EVC2: variants seen among roughly 807,000 people sequenced by gnomAD.
The protein encoded by EVC2 is limbin.
EVC2 carries 148 observed loss-of-function variants against 149.3 expected under a neutral mutation model. That is an observed-to-expected ratio of 0.99 (90% CI 0.87 to 1.14). The LOEUF is 1.14. EVC2 is among the 50% of genes most tolerant of loss of function. The pLI is 0.00. For synonymous variants in EVC2, 776 were observed against 649.9 expected (o/e 1.19, Z -2.95); for missense variants, 1,854 against 1,627.3 (o/e 1.14, Z -2.40).
chr4:5,543,081 T>G (rs900873885), exon 22 of EVC2: 7 of 1,222,544 alleles, frequency 5.7e-6, no homozygotes, highest in Non-Finnish European at 7.5e-6. Context: ...ATTGCACTGC[T>G]CAGTCCGAGG....
intron 16 of EVC2, among the ~76,000 whole-genome samples, chr4:5,609,610 C>G (rs568629292): frequency 3.6e-4 from 55 of 152,262 alleles, no homozygotes; most frequent in Middle Eastern, 3.4e-3. Flanking sequence ...ACAGCCCACT[C>G]CAAAGTTAAA....
At chr4:5,565,224 C>A (rs779794518) in intron 21 of EVC2, 34 bp downstream of exon 21, 1 of 1,607,060 alleles carries the variant, frequency 6.2e-7, no homozygotes, top group Non-Finnish European at 8.5e-7. Flanking sequence ...AGCTCACCCC[C>A]TCCCCAGCCA....
intron 21 of EVC2, among the ~76,000 whole-genome samples, chr4:5,547,887 A>T (rs531780873): frequency 2.4e-4 from 37 of 152,324 alleles, no homozygotes; most frequent in African/African-American, 8.2e-4. Flanking sequence ...CCCTGAGCCA[A>T]GGCTGTGACT....
At chr4:5,580,528 T>C (rs1711664180) in intron 17 of EVC2, among the ~76,000 whole-genome samples, 1 of 152,076 alleles carries the variant, frequency 6.6e-6, no homozygotes, top group Non-Finnish European at 1.5e-5. Flanking sequence ...GTACTGAGGG[T>C]GTTTCTTGGG....
At position 5,611,990 on chromosome 4, in the gene EVC2, T is replaced by A. The variant is rs189664721; in HGVS notation, c.2829+3432A>T. ...ACCCCTTCCCTCTGCACTGTTGATC[T>A]TCCTTACAGATTAACTTCCCTCTTC... On this transcript the variant is annotated intron_variant, in intron 16 of 21. Transcript: ENST00000344408. 2.6e-5 allele frequency among the ~76,000 whole-genome samples: 4 copies of A among 152,326 alleles called. No individual in the cohort carries two copies. The East Asian group carries it at 7.7e-4, about 29-fold the overall frequency.
At chr4:5,632,120 T>C (rs1716588056) in intron 10 of EVC2, 88 bp from the exon 11 acceptor site, 16 of 1,548,638 alleles carry the variant, frequency 1.0e-5, no homozygotes, top group Middle Eastern at 2.3e-4. Flanking sequence ...CAGGCACATG[T>C]GCACACACAA....
intron 7 of EVC2, among the ~76,000 whole-genome samples, chr4:5,668,988 G>A (rs1201136114): frequency 6.6e-6 from 1 of 152,234 alleles, no homozygotes; most frequent in Non-Finnish European, 1.5e-5. Flanking sequence ...TGAGGAGAGG[G>A]AGATTTGTAG....
At chr4:5,703,931 G>T (rs1268263084) in intron 1 of EVC2, among the ~76,000 whole-genome samples, 1 of 152,088 alleles carries the variant, frequency 6.6e-6, no homozygotes, top group Non-Finnish European at 1.5e-5. Flanking sequence ...AGGGTATCAG[G>T]GGGAGGAGCA....
intron 1 of EVC2, among the ~76,000 whole-genome samples, chr4:5,698,664 A>G (rs1233972762): frequency 6.6e-6 from 1 of 152,240 alleles, no homozygotes; most frequent in Non-Finnish European, 1.5e-5. Context: ...AGTGAACTGT[A>G]CAAGTAGTCC....
At chr4:5,669,222 G>C (rs533751866) in intron 7 of EVC2, among the ~76,000 whole-genome samples, 1 of 152,196 alleles carries the variant, frequency 6.6e-6, no homozygotes, top group East Asian at 1.9e-4. Flanking sequence ...TTAAATTGTT[G>C]TATTAAGGTA....
chr4:5,540,523 T>A (rs2108754686), downstream of EVC2, among the ~76,000 whole-genome samples: 1 of 152,366 alleles, frequency 6.6e-6, no homozygotes, highest in East Asian at 1.9e-4. Flanking sequence ...GACATGTGGA[T>A]GAAACTCAAA....
intron 8 of EVC2, 149 bp from the exon 9 acceptor site, chr4:5,663,395 G>C: frequency 1.9e-6 from 2 of 1,037,056 alleles, no homozygotes; most frequent in Non-Finnish European, 2.9e-6. Flanking sequence ...ACAAGCTTTT[G>C]CGAATGTCCC....
intron 4 of EVC2, 121 bp from the exon 5 acceptor site, chr4:5,689,464 G>A (rs1003532363): frequency 1.3e-4 from 127 of 990,690 alleles, no homozygotes; most frequent in Middle Eastern, 3.0e-4. Flanking sequence ...GCACGGTCTC[G>A]CAGAGGGCCT....
chr4:5,702,586 G>C (rs1176715959), intron 1 of EVC2, among the ~76,000 whole-genome samples: 2 of 152,200 alleles, frequency 1.3e-5, no homozygotes, highest in African/African-American at 4.8e-5. Flanking sequence ...GTAGCCACTA[G>C]CCAGATGGGG....
At chr4:5,591,424 G>A (rs1342110626) in intron 16 of EVC2, among the ~76,000 whole-genome samples, 1 of 150,972 alleles carries the variant, frequency 6.6e-6, no homozygotes, top group Non-Finnish European at 1.5e-5. Context: ...ATGCGCTAGG[G>A]TTTTCACGTT....
At position 5,567,710 on chromosome 4, in the gene EVC2, A is replaced by G. The variant is rs1722374970; in HGVS notation, c.3557+734T>C. 6.6e-6 allele frequency among the ~76,000 whole-genome samples: 1 copy of G among 152,104 alleles called. No homozygotes were observed. The highest frequency in any genetic ancestry group is 1.5e-5 in the Non-Finnish European group (1 of 68,016). ...GGAGACTGTCTATGCAGAGTTACCC[A>G]TAATTTAAAAAAAAATGGGCCCAAA... On this transcript the variant is annotated intron_variant, in intron 20 of 21. Coordinates refer to ENST00000344408, the MANE Select transcript of EVC2 (RefSeq NM_147127.5). The surrounding 1 kb of genome is among the most constrained non-coding windows in gnomAD (Gnocchi z 4.4).
downstream of EVC2, among the ~76,000 whole-genome samples, chr4:5,542,372 T>G (rs1230984643): frequency 2.0e-5 from 3 of 152,202 alleles, no homozygotes; most frequent in Non-Finnish European, 4.4e-5. Flanking sequence ...GGAGGACCAC[T>G]TGAGCCTGGG....
At chr4:5,684,976 C>T (rs1260391788) in intron 6 of EVC2, among the ~76,000 whole-genome samples, 1 of 152,192 alleles carries the variant, frequency 6.6e-6, no homozygotes, top group East Asian at 1.9e-4. Context: ...TTCCAGCCTC[C>T]TGGACAATAC....
chr4:5,684,732 C>G (rs1720577070), intron 6 of EVC2, among the ~76,000 whole-genome samples: 1 of 152,134 alleles, frequency 6.6e-6, no homozygotes, highest in Non-Finnish European at 1.5e-5. Flanking sequence ...AGTCTGAAGT[C>G]CAGTGCCCTA....
Sources: gnomAD v4.1 joint callset for allele counts (sites outside exome capture counted in the v4.1 genomes callset) on GRCh38, gnomAD v4.1.1 for gene constraint, Gnocchi (gnomAD v3.1) non-coding constraint, MANE v1.5 for transcripts, NCBI Gene and HGNC (gene_info 2026-07-23, HGNC 2026-07-21) for gene names.